The following ZNF804B variants were observed in gnomAD, a reference collection of about 807,000 sequenced individuals.
ZNF804B encodes zinc finger 804B.
ZNF804B carries 80 observed loss-of-function variants against 101.4 expected under a neutral mutation model. The ratio of observed to expected loss-of-function variants is 0.79; its 90% confidence interval spans 0.66 to 0.95. The LOEUF is 0.95. Ranked by LOEUF, ZNF804B falls within the 40% of genes least tolerant of loss-of-function variation. The pLI is 0.00. For synonymous variants in ZNF804B, 622 were observed against 558.8 expected (o/e 1.11, Z -1.59); for missense variants, 1,673 against 1,561.9 (o/e 1.07, Z -1.20).
intron 1 of ZNF804B, among the ~76,000 whole-genome samples, chr7:89,003,824 C>T (rs1788326439): frequency 6.6e-6 from 1 of 151,972 alleles, no homozygotes; most frequent in East Asian, 1.9e-4. Context: ...CAACATGAAT[C>T]ATACAGGTGA....
chr7:89,181,825 C>T (rs941144912), intron 1 of ZNF804B, among the ~76,000 whole-genome samples: 1 of 152,152 alleles, frequency 6.6e-6, no homozygotes, highest in African/African-American at 2.4e-5. Flanking sequence ...GATGTGTTTA[C>T]TTCATGAAAA....
intron 1 of ZNF804B, among the ~76,000 whole-genome samples, chr7:89,170,566 G>A (rs943506270): frequency 1.3e-5 from 2 of 152,196 alleles, no homozygotes; most frequent in Non-Finnish European, 1.5e-5. Flanking sequence ...CCCTTCAGTA[G>A]AAGGATTTGT....
intron 1 of ZNF804B, among the ~76,000 whole-genome samples, chr7:88,782,463 G>A (rs1436552148): frequency 6.6e-6 from 1 of 151,770 alleles, no homozygotes; most frequent in East Asian, 1.9e-4. Context: ...ATACATATAT[G>A]TATATACGTG....
intron 1 of ZNF804B, among the ~76,000 whole-genome samples, chr7:89,152,526 T>C (rs1790894570): frequency 6.6e-6 from 1 of 152,088 alleles, no homozygotes; most frequent in African/African-American, 2.4e-5. Flanking sequence ...TATCTGAACA[T>C]ATGCAGAAAG....
chr7:89,289,520 G>T (rs946839138), intron 2 of ZNF804B, among the ~76,000 whole-genome samples: 2 of 152,160 alleles, frequency 1.3e-5, no homozygotes, highest in East Asian at 3.9e-4. Flanking sequence ...GCAGCCATGT[G>T]GTACAGAGAG....
chr7:89,222,194 A>G (rs1789015205), intron 2 of ZNF804B, among the ~76,000 whole-genome samples: 1 of 151,984 alleles, frequency 6.6e-6, no homozygotes, highest in South Asian at 2.1e-4. Flanking sequence ...ATGATTCACT[A>G]TGGCTGCTTA....
intron 1 of ZNF804B, among the ~76,000 whole-genome samples, chr7:89,064,722 A>G (rs1789430962): frequency 6.6e-6 from 1 of 152,164 alleles, no homozygotes; most frequent in African/African-American, 2.4e-5. Flanking sequence ...AGGTGCCTAT[A>G]GCAAACTGGA....
At chr7:88,949,879 A>G (rs1221131003) in intron 1 of ZNF804B, among the ~76,000 whole-genome samples, 1 of 151,968 alleles carries the variant, frequency 6.6e-6, no homozygotes, top group East Asian at 2.0e-4. Context: ...TAGGAGCGGT[A>G]GGCTATATCA....
intron 1 of ZNF804B, among the ~76,000 whole-genome samples, chr7:88,948,300 C>T (rs1793168394): frequency 7.0e-6 from 1 of 143,140 alleles, no homozygotes; most frequent in Admixed American, 7.5e-5. Context: ...TACTAGCCAC[C>T]CATCCATTTT....
chr7:89,168,842 A>G (rs1791181333), intron 1 of ZNF804B, among the ~76,000 whole-genome samples: 1 of 152,106 alleles, frequency 6.6e-6, no homozygotes. Flanking sequence ...TTGTGAAGCT[A>G]TATTGTTACA....
intron 1 of ZNF804B, among the ~76,000 whole-genome samples, chr7:89,016,547 T>C (rs1311543727): frequency 6.7e-6 from 1 of 149,744 alleles, no homozygotes; most frequent in Non-Finnish European, 1.5e-5. Context: ...GTTTCAGCTT[T>C]CTACATATGG....
chr7:89,283,765 A>T (rs1790134945), intron 2 of ZNF804B, among the ~76,000 whole-genome samples: 1 of 152,060 alleles, frequency 6.6e-6, no homozygotes, highest in Non-Finnish European at 1.5e-5. Flanking sequence ...ATTATCCTAT[A>T]TATACATACA....
chr7:88,875,004 C>T (rs1475697119), intron 1 of ZNF804B, among the ~76,000 whole-genome samples: 6 of 129,014 alleles, frequency 4.7e-5, no homozygotes, highest in Non-Finnish European at 9.5e-5. Context: ...GATTAAGAAT[C>T]TCACTCAAAA....
intron 1 of ZNF804B, among the ~76,000 whole-genome samples, chr7:88,952,804 T>C (rs1304163077): frequency 1.3e-5 from 2 of 151,744 alleles, no homozygotes; most frequent in African/African-American, 4.8e-5. Context: ...GTTGGGTTTC[T>C]AAAGAATAAA....
chr7:89,131,495 T>G (rs1234990740), intron 1 of ZNF804B, among the ~76,000 whole-genome samples: 1 of 151,934 alleles, frequency 6.6e-6, no homozygotes, highest in Non-Finnish European at 1.5e-5. Context: ...GAAAGGTAGA[T>G]AGACCCCATA....
chr7:89,210,460 C>G (rs1017659851), intron 1 of ZNF804B, among the ~76,000 whole-genome samples: 2 of 152,146 alleles, frequency 1.3e-5, no homozygotes, highest in African/African-American at 4.8e-5. Context: ...TTAAGCCCAG[C>G]ATACATCAGC....
intron 1 of ZNF804B, among the ~76,000 whole-genome samples, chr7:88,775,188 G>A (rs1790123533): frequency 6.6e-6 from 1 of 152,186 alleles, no homozygotes; most frequent in African/African-American, 2.4e-5. Context: ...TAAACAGGGT[G>A]ACCCTACCTA....
chr7:89,324,470 T>G (rs946512751), intron 2 of ZNF804B, among the ~76,000 whole-genome samples: 2 of 151,892 alleles, frequency 1.3e-5, no homozygotes, highest in Admixed American at 6.6e-5. Flanking sequence ...ACCTCACGCT[T>G]TTATCCAAAT....
intron 1 of ZNF804B, among the ~76,000 whole-genome samples, chr7:89,147,789 G>A (rs10808075): frequency 0.41 from 61,702 of 151,290 alleles, 12,651 homozygotes; most frequent in Middle Eastern, 0.53. Flanking sequence ...TAGGTTGTGC[G>A]TTCCTTATGA....
Sources: allele counts gnomAD v4.1 joint callset (sites outside exome capture counted in the v4.1 genomes callset), GRCh38; gene constraint gnomAD v4.1.1; transcripts MANE v1.5; gene names NCBI Gene and HGNC (gene_info 2026-07-23, HGNC 2026-07-21).